Variants in GALM observed in about 807,000 individuals in gnomAD.
GALM encodes galactose mutarotase.
GALM carries 43 observed loss-of-function variants against 37.4 expected under a neutral mutation model. The ratio of observed to expected loss-of-function variants is 1.15; its 90% CI spans 0.90 to 1.48. GALM has a LOEUF of 1.48. GALM is among the 40% of genes most tolerant of loss of function. The pLI is 0.00. For synonymous variants in GALM, 199 were observed against 170.6 expected (o/e 1.17, Z -1.30); for missense variants, 456 against 419.1 (o/e 1.09, Z -0.77).
At chr2:38,676,183 C>A in intron 2 of GALM, 117 bp downstream of exon 2, 2 of 1,012,826 alleles carry the variant, frequency 2.0e-6, no homozygotes, top group Admixed American at 2.0e-5. Flanking sequence ...GGAAAGAGGC[C>A]CCTTCCATGG....
Position 38,694,667 on chromosome 2 carries a change from C to T in GALM, c.634+4773C>T, listed in dbSNP as rs546505720. Among the ~76,000 whole-genome samples the T allele has an allele frequency of 1.8e-4, 28 of 152,106 alleles. 1 individual carries two copies. The highest frequency in any genetic ancestry group is 3.4e-3 in the Middle Eastern group (1 of 294). ...ATCCCAGCACTCTGGGAGGCCGAGG[C>T]GGATGGATCACGAGGTCAGGAGATC... On this transcript the variant is annotated intron_variant, in intron 4 of 6. Transcript: ENST00000272252.
chr2:38,698,965 G>A (rs895509161), intron 4 of GALM, among the ~76,000 whole-genome samples: 49 of 151,576 alleles, frequency 3.2e-4, no homozygotes, highest in African/African-American at 1.1e-3. Flanking sequence ...CTAGGCTGGC[G>A]TGCAATGGCA....
intron 1 of GALM, chr2:38,669,235 A>T (rs1314728820): frequency 6.6e-6 from 1 of 152,264 alleles, no homozygotes; most frequent in East Asian, 1.9e-4. Context: ...CTGGTAGTTA[A>T]AGATCGACCC....
chr2:38,725,549 TACAC>T (rs112827171), intron 4 of GALM, among the ~76,000 whole-genome samples: 1 of 148,700 alleles, frequency 6.7e-6, no homozygotes, highest in African/African-American at 2.5e-5. Context: ...AACACACACA[TACAC>T]ACACACACAC....
Position 38,708,923 on chromosome 2 carries a change from G to A in GALM, c.634+19029G>A, listed in dbSNP as rs544509128. On this transcript the variant is annotated intron_variant, in intron 4 of 6. Transcript: ENST00000272252. ...AGGAATCCAGGGAAGGCTTGAGACCGTGAATCTGTGGTGGCCTCTGCCGGT... is the reference window on the plus strand; with the variant it reads ...AGGAATCCAGGGAAGGCTTGAGACCATGAATCTGTGGTGGCCTCTGCCGGT... Among the ~76,000 whole-genome samples the A allele has an allele frequency of 7.2e-5, 11 of 152,250 alleles. No individual in the cohort carries two copies. In the South Asian group the frequency reaches 1.0e-3, roughly 14 times the overall value.
intron 4 of GALM, among the ~76,000 whole-genome samples, chr2:38,700,078 AGTAGCTGGGATTACAG>A (rs769851338): frequency 3.2e-4 from 48 of 152,096 alleles, no homozygotes; most frequent in Non-Finnish European, 5.7e-4. Flanking sequence ...CAGCCTGCCA[AGTAGCTGGGATTACAG>A]GTGCCCGCCA....
chr2:38,711,667 A>G (rs1184923357), intron 4 of GALM, among the ~76,000 whole-genome samples: 1 of 150,862 alleles, frequency 6.6e-6, no homozygotes, highest in African/African-American at 2.4e-5. Flanking sequence ...AAGCACTATG[A>G]TTAGCACTGT....
At chr2:38,678,867 T>G (rs976542075) in intron 2 of GALM, among the ~76,000 whole-genome samples, 3 of 152,198 alleles carry the variant, frequency 2.0e-5, no homozygotes, top group Non-Finnish European at 2.9e-5. Context: ...TGGCCTCAAC[T>G]CTTCTGTTGA....
intron 4 of GALM, among the ~76,000 whole-genome samples, chr2:38,718,196 C>CTTTTTTTTT (rs3059479): frequency 5.3e-5 from 7 of 131,282 alleles, no homozygotes; most frequent in Non-Finnish European, 7.8e-5. Context: ...TTTTTCTTTT[C>CTTTTTTTTT]TTTTTTTTTT....
chr2:38,669,648 G>C (rs549529384), intron 1 of GALM: 1 of 152,164 alleles, frequency 6.6e-6, no homozygotes, highest in South Asian at 2.1e-4. Context: ...ACTCTGGGTG[G>C]GTGGATCACA....
chr2:38,715,124 T>A (rs1261487092), intron 4 of GALM, among the ~76,000 whole-genome samples: 1 of 152,232 alleles, frequency 6.6e-6, no homozygotes, highest in Non-Finnish European at 1.5e-5. Flanking sequence ...AACTTTTTTG[T>A]CGCTTTAAAC....
chr2:38,719,271 A>T (rs551938761), intron 4 of GALM, among the ~76,000 whole-genome samples: 1 of 151,764 alleles, frequency 6.6e-6, no homozygotes, highest in Non-Finnish European at 1.5e-5. Flanking sequence ...GGAGTTCAAG[A>T]CCAGCTTGGC....
At chr2:38,695,937 G>A (rs961552319) in intron 4 of GALM, among the ~76,000 whole-genome samples, 3 of 152,022 alleles carry the variant, frequency 2.0e-5, no homozygotes, top group Non-Finnish European at 4.4e-5. Flanking sequence ...GACCTCAAGT[G>A]ATCCACCCGC....
At chr2:38,683,103 G>A (rs1027037778) in intron 3 of GALM, among the ~76,000 whole-genome samples, 2 of 152,030 alleles carry the variant, frequency 1.3e-5, no homozygotes, top group Non-Finnish European at 2.9e-5. Context: ...TTAATAATAG[G>A]GAGGGGAGAT....
intron 4 of GALM, among the ~76,000 whole-genome samples, chr2:38,709,071 G>T (rs1168259642): frequency 6.6e-6 from 1 of 152,142 alleles, no homozygotes; most frequent in Non-Finnish European, 1.5e-5. Context: ...AGGGTGTAAG[G>T]CAGATCAAGG....
At chr2:38,709,744 G>A (rs1666111921) in intron 4 of GALM, among the ~76,000 whole-genome samples, 1 of 152,142 alleles carries the variant, frequency 6.6e-6, no homozygotes, top group African/African-American at 2.4e-5. Flanking sequence ...CCACTGGAAG[G>A]AAGTAAAAAT....
chr2:38,676,935 C>G (rs1400057990), intron 2 of GALM, among the ~76,000 whole-genome samples: 1 of 152,226 alleles, frequency 6.6e-6, no homozygotes, highest in East Asian at 1.9e-4. Flanking sequence ...AGCCCCCCGC[C>G]CCATGCAGCA....
chr2:38,723,659 T>C (rs1013710034), intron 4 of GALM, among the ~76,000 whole-genome samples: 2 of 151,976 alleles, frequency 1.3e-5, no homozygotes, highest in South Asian at 2.1e-4. Context: ...GGTGTGGTGA[T>C]GTACTGCAGT....
intron 4 of GALM, among the ~76,000 whole-genome samples, chr2:38,713,924 T>A (rs62144782): frequency 2.0e-5 from 3 of 149,722 alleles, no homozygotes; most frequent in African/African-American, 7.4e-5. Flanking sequence ...AAAAAAAATT[T>A]ACCAGCTGTG....
Sources: allele counts gnomAD v4.1 joint callset (sites outside exome capture counted in the v4.1 genomes callset), GRCh38; gene constraint gnomAD v4.1.1; transcripts MANE v1.5; gene names NCBI Gene and HGNC (gene_info 2026-07-23, HGNC 2026-07-21).